TMEM163: variants seen among roughly 807,000 people sequenced by gnomAD.
TMEM163 encodes the protein transmembrane protein 163.
TMEM163 carries 17 observed loss-of-function variants against 29.3 expected under a neutral mutation model. The observed-to-expected ratio is 0.58, with a 90% CI of 0.40 to 0.87. The LOEUF is 0.87. Ranked by LOEUF, TMEM163 falls within the 40% of genes least tolerant of loss-of-function variation. TMEM163 has a pLI of 0.00. For synonymous variants in TMEM163, 157 were observed against 160.6 expected (o/e 0.98, Z 0.17); for missense variants, 303 against 381.5 (o/e 0.79, Z 1.71).
chr2:134,693,040 T>C (rs1300813630), intron 2 of TMEM163, among the ~76,000 whole-genome samples: 1 of 152,096 alleles, frequency 6.6e-6, no homozygotes, highest in Non-Finnish European at 1.5e-5. Context: ...TGCCAGGCCA[T>C]AACCCAGCAT....
intron 5 of TMEM163, among the ~76,000 whole-genome samples, chr2:134,487,047 A>C (rs1476232655): frequency 6.6e-5 from 10 of 152,328 alleles, no homozygotes; most frequent in Admixed American, 3.3e-4. Flanking sequence ...CACTTTTGGT[A>C]ATGAAATTGA....
chr2:134,638,662 A>T (rs935486739), intron 2 of TMEM163, among the ~76,000 whole-genome samples: 1 of 152,212 alleles, frequency 6.6e-6, no homozygotes, highest in African/African-American at 2.4e-5. Flanking sequence ...ATTAATTGTT[A>T]GTGCCTGATG....
At chr2:134,579,261 A>G (rs558603915) in intron 2 of TMEM163, among the ~76,000 whole-genome samples, 1 of 152,342 alleles carries the variant, frequency 6.6e-6, no homozygotes, top group Non-Finnish European at 1.5e-5. Flanking sequence ...TTATCAAAGC[A>G]TTTATAGTGT....
intron 5 of TMEM163, among the ~76,000 whole-genome samples, chr2:134,479,993 T>C (rs1687011073): frequency 6.6e-6 from 1 of 152,222 alleles, no homozygotes; most frequent in Non-Finnish European, 1.5e-5. Flanking sequence ...CAGGAGACCT[T>C]GGTCAGCCAG....
rs560435347 is a variant in TMEM163 at position 134,498,296 on chromosome 2, C to T, written c.555+4605G>A. Among the ~76,000 whole-genome samples, 45 of 152,136 alleles carry T rather than the reference C, an allele frequency of 3.0e-4. 2 individuals carry two copies. The South Asian group carries it at 8.7e-3, about 29-fold the overall frequency. On this transcript the variant is annotated intron_variant, in intron 5 of 7. Transcript: ENST00000281924. Reference sequence around the variant, plus strand: ...CGTGCTCCACGCATCCCCCCTTCTCCTCATCCCACACTGTCCTGCTGCAGT... The same window carrying T: ...CGTGCTCCACGCATCCCCCCTTCTCTTCATCCCACACTGTCCTGCTGCAGT...
At chr2:134,651,217 C>A (rs1227915419) in intron 2 of TMEM163, among the ~76,000 whole-genome samples, 5 of 87,354 alleles carry the variant, frequency 5.7e-5, no homozygotes, top group African/African-American at 1.9e-4. Flanking sequence ...TGTTTCCTGA[C>A]TTTTTAATGA....
intron 2 of TMEM163, among the ~76,000 whole-genome samples, chr2:134,682,526 A>G (rs997576180): frequency 6.6e-6 from 1 of 152,238 alleles, no homozygotes; most frequent in Admixed American, 6.5e-5. Context: ...CCACAGGCTA[A>G]GAGCGTGAAG....
chr2:134,497,330 T>C (rs946468144), intron 5 of TMEM163, among the ~76,000 whole-genome samples: 1 of 152,194 alleles, frequency 6.6e-6, no homozygotes, highest in African/African-American at 2.4e-5. Flanking sequence ...GTAGCCAATA[T>C]TATTATTATT....
chr2:134,540,270 G>A (rs1419487679), intron 4 of TMEM163, among the ~76,000 whole-genome samples: 1 of 152,232 alleles, frequency 6.6e-6, no homozygotes. Context: ...TGTCATGGCT[G>A]CCATCTGCCT....
chr2:134,573,322 T>A (rs1681475760), intron 2 of TMEM163, among the ~76,000 whole-genome samples: 1 of 152,188 alleles, frequency 6.6e-6, no homozygotes, highest in African/African-American at 2.4e-5. Context: ...TAAAAGCTGA[T>A]GGATAGAAGG....
At chr2:134,666,223 T>C (rs987820479) in intron 2 of TMEM163, among the ~76,000 whole-genome samples, 1 of 151,356 alleles carries the variant, frequency 6.6e-6, no homozygotes, top group Non-Finnish European at 1.5e-5. Context: ...CTGCCTGCCT[T>C]TCCTCTCATC....
At chr2:134,464,901 T>A (rs1365712837) in intron 6 of TMEM163, among the ~76,000 whole-genome samples, 1 of 151,984 alleles carries the variant, frequency 6.6e-6, no homozygotes, top group East Asian at 1.9e-4. Flanking sequence ...ACCCAGCAGG[T>A]CAACATCGGC....
At chr2:134,500,386 G>T (rs1312975673) in intron 5 of TMEM163, among the ~76,000 whole-genome samples, 6 of 152,218 alleles carry the variant, frequency 3.9e-5, no homozygotes, top group African/African-American at 1.2e-4. Flanking sequence ...CATTTACCTG[G>T]CCCCGTGGGC....
chr2:134,684,922 CA>C (rs56956631), intron 2 of TMEM163, among the ~76,000 whole-genome samples: 14,299 of 74,766 alleles, frequency 0.19, 2,202 homozygotes, highest in African/African-American at 0.47. Flanking sequence ...GACCCTGTCT[CA>C]AAAAAAAAAA....
chr2:134,506,688 C>T (rs1386315723), intron 4 of TMEM163, among the ~76,000 whole-genome samples: 1 of 152,240 alleles, frequency 6.6e-6, no homozygotes, highest in Non-Finnish European at 1.5e-5. Context: ...ACATCACGTG[C>T]TCACACCACC....
intron 2 of TMEM163, among the ~76,000 whole-genome samples, chr2:134,691,217 G>T (rs1021555497): frequency 6.6e-5 from 10 of 152,146 alleles, no homozygotes; most frequent in African/African-American, 2.4e-4. Flanking sequence ...AAGAACAAGG[G>T]TAGCAAAGCC....
chr2:134,563,597 A>C (rs1162830949), intron 2 of TMEM163, among the ~76,000 whole-genome samples: 1 of 152,248 alleles, frequency 6.6e-6, no homozygotes, highest in Non-Finnish European at 1.5e-5. Context: ...TAGAAAAGCA[A>C]TGAAATATTT....
At chr2:134,511,648 T>C (rs1179433580) in intron 4 of TMEM163, among the ~76,000 whole-genome samples, 1 of 152,214 alleles carries the variant, frequency 6.6e-6, no homozygotes, top group South Asian at 2.1e-4. Context: ...CAAGGCAGAC[T>C]GGCCGGAATT....
At position 134,667,122 on chromosome 2, in the gene TMEM163, C is replaced by T. The variant is rs191895581; in HGVS notation, c.322+46078G>A. ...ACCAGATTTGACTCAAGTTTGATTC[C>T]GAAATCAAACGTGCACCCAGTGAAG... On this transcript the variant is annotated intron_variant, in intron 2 of 7. Coordinates refer to ENST00000281924, the MANE Select transcript of TMEM163 (RefSeq NM_030923.5). Among the ~76,000 whole-genome samples the T allele has an allele frequency of 1.0e-3, 156 of 152,266 alleles. 1 individual carries two copies. The highest frequency in any genetic ancestry group is 0.01 in the Middle Eastern group (3 of 294).
Sources: gnomAD v4.1 joint callset for allele counts (sites outside exome capture counted in the v4.1 genomes callset) on GRCh38, gnomAD v4.1.1 for gene constraint, MANE v1.5 for transcripts, NCBI Gene and HGNC (gene_info 2026-07-23, HGNC 2026-07-21) for gene names.